PIR: variants seen among roughly 807,000 people sequenced by gnomAD.
PIR encodes pirin (iron-binding nuclear protein).
PIR carries 22 observed loss-of-function variants against 24.2 expected under a neutral mutation model. The observed-to-expected ratio is 0.91, with a 90% CI of 0.65 to 1.30. The LOEUF (loss-of-function observed/expected upper bound fraction) is 1.30, where lower values mean the gene tolerates loss of function less well. Ranked by LOEUF, PIR falls within the 50% of genes most tolerant of loss-of-function variation. The pLI is 0.00. For missense variants in PIR, 220 were observed against 220.3 expected, an observed-to-expected ratio of 1.00 and a Z score of 0.01; for synonymous variants, 80 against 79.6, an observed-to-expected ratio of 1.00 and a Z score of -0.03.
At chrX:15,488,432 A>T (rs1259750408) in intron 2 of PIR, among the ~76,000 whole-genome samples, 3 of 111,267 alleles carry the variant, frequency 2.7e-5, no homozygotes, top group Non-Finnish European at 5.7e-5. Context: ...TGCAAAAATA[A>T]TATGGCAACA....
chrX:15,462,363 C>A (rs1163367499), intron 3 of PIR, among the ~76,000 whole-genome samples: 1 of 111,766 alleles, frequency 8.9e-6, no homozygotes, highest in Non-Finnish European at 1.9e-5. Context: ...ATTCGACATC[C>A]ATTTTGTATG....
At position 15,384,822 on chromosome X, in the gene PIR, T is replaced by C. The variant is rs1923682597; in HGVS notation, c.*182A>G. 2 of 307,408 alleles carry C rather than the reference T, an allele frequency of 6.5e-6. No individual in the cohort carries two copies. The highest frequency in any genetic ancestry group is 5.7e-6 in the Non-Finnish European group (1 of 175,290). The allele number at this position is 307,408 out of a possible 1,213,427, so 25.3% of individuals were successfully genotyped here. On this transcript the variant is annotated 3_prime_UTR_variant, in exon 10 of 10. Transcript: ENST00000380420. ...GATTTTTAAAGAAACAATGATTAGG[T>C]TTATTTGCATGTGCCAGGAAATATC... is the stretch of plus-strand genomic sequence containing the variant.
At chrX:15,456,447 C>T (rs1921087699) in intron 4 of PIR, among the ~76,000 whole-genome samples, 1 of 112,466 alleles carries the variant, frequency 8.9e-6, no homozygotes, top group South Asian at 3.6e-4. Context: ...CCCAGCAATG[C>T]AGTTACTACA....
At chrX:15,434,200 G>A (rs1925661237) in intron 5 of PIR, among the ~76,000 whole-genome samples, 1 of 97,276 alleles carries the variant, frequency 1.0e-5, no homozygotes, top group Admixed American at 1.1e-4. Flanking sequence ...GGAGAAAGAA[G>A]AAGGAGGAGG....
intron 6 of PIR, among the ~76,000 whole-genome samples, chrX:15,415,980 T>TA (rs201398666): frequency 1.6e-4 from 17 of 103,335 alleles, no homozygotes; most frequent in East Asian, 6.0e-4. Context: ...ATAGAAAGGT[T>TA]AAAAAAAAAA....
Position 15,435,072 on chromosome X carries a change from G to A in PIR, c.481-9082C>T, listed in dbSNP as rs187207025. 4.9e-4 allele frequency among the ~76,000 whole-genome samples: 54 copies of A among 110,357 alleles called. No individual in the cohort carries two copies. In the East Asian group the frequency reaches 0.013, roughly 26 times the overall value. On this transcript the variant is annotated intron_variant, in intron 5 of 9. Coordinates refer to ENST00000380420, the MANE Select transcript of PIR (RefSeq NM_001018109.3). ...CTAAAAACACAAAAATTAGCCAAGC[G>A]TAGTGGCGGGCGCCTGTAATCCCAG...
intron 3 of PIR, chrX:15,478,671 T>A (rs1255318194): frequency 9.0e-6 from 1 of 111,723 alleles, no homozygotes; most frequent in Non-Finnish European, 1.9e-5. Flanking sequence ...TGGTTCATTA[T>A]CCCTTTACAC....
chrX:15,418,209 G>A (rs995657473), intron 6 of PIR, among the ~76,000 whole-genome samples: 1 of 111,372 alleles, frequency 9.0e-6, no homozygotes, highest in Non-Finnish European at 1.9e-5. Context: ...TGCTGTAAAA[G>A]GAAATGAGGA....
At chrX:15,433,330 G>A (rs1440992129) in intron 5 of PIR, among the ~76,000 whole-genome samples, 1 of 109,853 alleles carries the variant, frequency 9.1e-6, no homozygotes, top group African/African-American at 3.3e-5. Context: ...GGAGCAAAGA[G>A]CAACCAGAGA....
chrX:15,426,232 C>T lies in PIR; in HGVS notation c.481-242G>A, dbSNP rs752487628. Among the ~76,000 whole-genome samples the T allele has an allele frequency of 2.7e-5, 3 of 111,388 alleles. No homozygotes were observed. In the Admixed American group the frequency reaches 2.9e-4, roughly 11 times the overall value. On this transcript the variant is annotated intron_variant, in intron 5 of 9. Coordinates refer to ENST00000380420, the MANE Select transcript of PIR (RefSeq NM_001018109.3). ...TAATTTCAGGATGACAGCTGTCTCCCTACAGCCAGTTCTCAAATATAGTCC... is the reference window on the plus strand; with the variant it reads ...TAATTTCAGGATGACAGCTGTCTCCTTACAGCCAGTTCTCAAATATAGTCC...
chrX:15,453,973 G>A (rs780357857), intron 5 of PIR, among the ~76,000 whole-genome samples: 1 of 111,464 alleles, frequency 9.0e-6, no homozygotes, highest in East Asian at 2.8e-4. Flanking sequence ...CTTCTGCTTT[G>A]GTTGAAGCAG....
intron 7 of PIR, among the ~76,000 whole-genome samples, chrX:15,407,275 G>A (rs1179019833): frequency 8.9e-6 from 1 of 112,003 alleles, no homozygotes; most frequent in Non-Finnish European, 1.9e-5. Flanking sequence ...TTTCATCTGT[G>A]CACAGGATGT....
intron 3 of PIR, among the ~76,000 whole-genome samples, chrX:15,478,025 C>CA (rs35277568): frequency 3.0e-5 from 3 of 101,237 alleles, no homozygotes; most frequent in African/African-American, 3.5e-5. Flanking sequence ...CCCCCCCCCC[C>CA]AGAAAGCATT....
intron 5 of PIR, among the ~76,000 whole-genome samples, chrX:15,431,039 T>C (rs779548302): frequency 8.9e-6 from 1 of 112,202 alleles, no homozygotes; most frequent in Non-Finnish European, 1.9e-5. Flanking sequence ...CACAGTTCTT[T>C]GGGGGAACTA....
intron 6 of PIR, among the ~76,000 whole-genome samples, chrX:15,423,923 T>G (rs1474244978): frequency 1.8e-5 from 2 of 112,012 alleles, no homozygotes; most frequent in Non-Finnish European, 3.8e-5. Context: ...GAATAACACA[T>G]GCTGGTGAGG....
At chrX:15,386,017 C>A (rs1228372521) in intron 9 of PIR, among the ~76,000 whole-genome samples, 1 of 111,695 alleles carries the variant, frequency 9.0e-6, no homozygotes, top group African/African-American at 3.3e-5. Flanking sequence ...GACTGTCTCA[C>A]CCCCATGATC....
At chrX:15,468,077 G>A (rs1921696542) in intron 3 of PIR, among the ~76,000 whole-genome samples, 1 of 112,543 alleles carries the variant, frequency 8.9e-6, no homozygotes, top group Admixed American at 9.4e-5. Flanking sequence ...GAAGGGGCCT[G>A]AAGGGAATGG....
At chrX:15,468,746 G>C (rs979793995) in intron 3 of PIR, among the ~76,000 whole-genome samples, 1 of 112,181 alleles carries the variant, frequency 8.9e-6, no homozygotes, top group African/African-American at 3.2e-5. Flanking sequence ...AGGGGTCTGA[G>C]AGAGGGATGC....
At position 15,449,825 on chromosome X, in the gene PIR, C is replaced by A. The variant is rs547957951; in HGVS notation, c.480+6023G>T. Among the ~76,000 whole-genome samples, 37 of 112,037 alleles carry A rather than the reference C, an allele frequency of 3.3e-4. No individual in the cohort carries two copies. The South Asian group carries it at 0.013, about 39-fold the overall frequency. On this transcript the variant is annotated intron_variant, in intron 5 of 9. Coordinates refer to ENST00000380420, the MANE Select transcript of PIR (RefSeq NM_001018109.3). ...ATAAAACCAACACTAACAACAAAGA[C>A]TATGGAGTAAAGTTTAAAATATTTT...
Sources: gnomAD v4.1 joint callset for allele counts (sites outside exome capture counted in the v4.1 genomes callset) on GRCh38, gnomAD v4.1.1 for gene constraint, MANE v1.5 for transcripts, NCBI Gene and HGNC (gene_info 2026-07-23, HGNC 2026-07-21) for gene names.